Variants in NRP2 observed in about 807,000 individuals in gnomAD.
NRP2 encodes neuropilin 2, also known as neuropilin-2.
Under a neutral mutation model 110.4 loss-of-function variants are expected in NRP2, and 52 were observed. The observed-to-expected ratio is 0.47, with a 90% CI of 0.38 to 0.59. The LOEUF is 0.59. NRP2 is among the 20% of genes least tolerant of loss of function. NRP2 has a pLI of 0.00. For synonymous variants in NRP2, 508 were observed against 468.9 expected, an observed-to-expected ratio of 1.08 and a Z score of -1.08; for missense variants, 1,049 against 1,203.0, an observed-to-expected ratio of 0.87 and a Z score of 1.89.
At chr2:205,751,200 G>T (rs1023994247) in intron 11 of NRP2, among the ~76,000 whole-genome samples, 1 of 152,086 alleles carries the variant, frequency 6.6e-6, no homozygotes, top group Non-Finnish European at 1.5e-5. Flanking sequence ...TGGAGTGGGG[G>T]TTCTAGCTAA....
chr2:205,763,333 C>A lies in NRP2; in HGVS notation c.2045-341C>A, dbSNP rs138517308. ...AATGATGAATAAGATGTGGGTCTGG[C>A]CTCTCAGAATCTAGAGGGAGAAGAA... is the stretch of plus-strand genomic sequence containing the variant. On this transcript the variant is annotated intron_variant, in intron 12 of 16. Coordinates refer to ENST00000357785, the MANE Select transcript of NRP2 (RefSeq NM_003872.3). This position sits in a 1 kb window ranked among gnomAD's most constrained non-coding sequence, Gnocchi z 4.0. Among the ~76,000 whole-genome samples, 20 of 152,064 alleles carry A rather than the reference C, an allele frequency of 1.3e-4. No individual in the cohort carries two copies. The East Asian group carries it at 3.9e-3, about 29-fold the overall frequency.
rs1282367024 is a variant in NRP2, at chr2:205,686,135, T to TAA, written c.73+2773_73+2774dup. Among the ~76,000 whole-genome samples, 2 of 152,102 alleles carry TAA rather than the reference T, an allele frequency of 1.3e-5. No individual in the cohort carries two copies. Among genetic ancestry groups the TAA allele is most frequent in the East Asian group, 3.9e-4 (2 of 5,170 alleles). ...GCCCAGCGATCCATAAACATTCTAT[T>TAA]AAGCAAAAATATTCCCAGCGAAAGC... On this transcript the variant is annotated intron_variant, in intron 1 of 16. Transcript: ENST00000357785. The surrounding 1 kb of genome is among the most constrained non-coding windows in gnomAD (Gnocchi z 4.7).
At chr2:205,747,453 T>C (rs1334227121) in intron 10 of NRP2, among the ~76,000 whole-genome samples, 1 of 152,226 alleles carries the variant, frequency 6.6e-6, no homozygotes, top group East Asian at 1.9e-4. Context: ...GACTACTGCC[T>C]GCACCCAGCA....
At chr2:205,702,156 A>G (rs1490244888) in intron 2 of NRP2, among the ~76,000 whole-genome samples, 1 of 152,234 alleles carries the variant, frequency 6.6e-6, no homozygotes, top group Non-Finnish European at 1.5e-5. Context: ...ACAGTTTGGG[A>G]CTATTTTCTA....
chr2:205,726,492 C>T (rs1245045317), intron 6 of NRP2, among the ~76,000 whole-genome samples: 2 of 152,132 alleles, frequency 1.3e-5, no homozygotes, highest in African/African-American at 4.8e-5. Context: ...TTCTCATGAT[C>T]TTTGCTATTG....
chr2:205,793,992 G>A (rs1262506408), intron 16 of NRP2, among the ~76,000 whole-genome samples: 1 of 152,166 alleles, frequency 6.6e-6, no homozygotes, highest in African/African-American at 2.4e-5. Flanking sequence ...AGCTTGAGGA[G>A]GTTGGAAAGG....
At chr2:205,737,575 T>A (rs1477632966) in intron 7 of NRP2, among the ~76,000 whole-genome samples, 2 of 152,112 alleles carry the variant, frequency 1.3e-5, no homozygotes, top group Non-Finnish European at 1.5e-5. Flanking sequence ...TGTTAAAAAA[T>A]CTAATAAGAT....
At position 205,789,855 on chromosome 2, in the gene NRP2, C is replaced by T. The variant is rs536237567; in HGVS notation, c.2426-2380C>T. ...AAGTGGCTGGTAAAGGGCAAAGATGCTTTTGAGAGAGAGAAAGCTCTTAAT... is the reference window on the plus strand; with the variant it reads ...AAGTGGCTGGTAAAGGGCAAAGATGTTTTTGAGAGAGAGAAAGCTCTTAAT... On this transcript the variant is annotated intron_variant, in intron 15 of 16. Coordinates refer to ENST00000357785, the MANE Select transcript of NRP2 (RefSeq NM_003872.3). Among the ~76,000 whole-genome samples, 5 of 152,294 alleles carry T rather than the reference C, an allele frequency of 3.3e-5. No homozygotes were observed. In the South Asian group the frequency reaches 1.0e-3, roughly 32 times the overall value.
At position 205,727,932 on chromosome 2, in the gene NRP2, A is replaced by G; in HGVS notation, c.1032A>G (p.Thr344=). The change falls in exon 7 of 17, where the codon ACA becomes ACG. Residue 344 remains threonine, a synonymous_variant. Coordinates refer to ENST00000357785, the MANE Select transcript of NRP2 (RefSeq NM_003872.3). ...TAACCATGCTCACGGCCATCGCAACACAGGGAGCGATTTCCAGGGAAACAC... is the reference window on the plus strand; with the variant it reads ...TAACCATGCTCACGGCCATCGCAACGCAGGGAGCGATTTCCAGGGAAACAC... ...RFLTMLTAIA[T]QGAISRETQN... 1 of 1,614,116 alleles carries G rather than the reference A, an allele frequency of 6.2e-7. No homozygotes were observed. The highest frequency in any genetic ancestry group is 8.5e-7 in the Non-Finnish European group (1 of 1,180,020).
intron 15 of NRP2, among the ~76,000 whole-genome samples, chr2:205,770,004 C>T (rs1048211761): frequency 2.0e-5 from 3 of 152,110 alleles, no homozygotes; most frequent in Non-Finnish European, 2.9e-5. Context: ...AGCAGCTCAC[C>T]TTGGAGGCAA....
chr2:205,769,456 A>G (rs1185870363), intron 15 of NRP2, among the ~76,000 whole-genome samples: 1 of 151,728 alleles, frequency 6.6e-6, no homozygotes, highest in Non-Finnish European at 1.5e-5. Context: ...ATATTATTTT[A>G]AATTTAAATC....
chr2:205,786,383 C>T (rs75454700), intron 15 of NRP2, among the ~76,000 whole-genome samples: 6,149 of 152,228 alleles, frequency 0.04, 165 homozygotes, highest in Admixed American at 0.068. Flanking sequence ...ATTTAACTGG[C>T]CCATGGGGTT....
intron 15 of NRP2, chr2:205,779,200 G>C (rs1324254075): frequency 1.3e-5 from 2 of 152,204 alleles, no homozygotes; most frequent in African/African-American, 4.8e-5. Flanking sequence ...TAAAGCTTTT[G>C]CCTTAGTAGA....
chr2:205,757,993 C>CAA (rs1477155144), intron 12 of NRP2, among the ~76,000 whole-genome samples: 2 of 151,572 alleles, frequency 1.3e-5, no homozygotes, highest in Non-Finnish European at 2.9e-5. Flanking sequence ...GCCTCAATGG[C>CAA]AAAACCTTCA....
chr2:205,688,337 ACTGTTCCTTC>A (rs1249362412), intron 1 of NRP2, among the ~76,000 whole-genome samples: 1 of 152,198 alleles, frequency 6.6e-6, no homozygotes, highest in Non-Finnish European at 1.5e-5. Context: ...TAGTCTTTGT[ACTGTTCCTTC>A]CAGGTAAGGA....
intron 3 of NRP2, among the ~76,000 whole-genome samples, chr2:205,721,558 A>C (rs1272841767): frequency 1.3e-5 from 2 of 152,144 alleles, no homozygotes; most frequent in Admixed American, 6.5e-5. Context: ...ACCTAGAGGC[A>C]TTAAGAGATA....
At chr2:205,747,996 G>A (rs79508024) in intron 10 of NRP2, among the ~76,000 whole-genome samples, 188 of 152,102 alleles carry the variant, frequency 1.2e-3, no homozygotes, top group African/African-American at 4.3e-3. Context: ...CAGGGGTAGC[G>A]TTGCTGTTTG....
intron 15 of NRP2, among the ~76,000 whole-genome samples, chr2:205,783,091 C>T (rs540579544): frequency 6.6e-6 from 1 of 152,236 alleles, no homozygotes; most frequent in African/African-American, 2.4e-5. Context: ...ATCTGCCCAA[C>T]CCATGTGATC....
At chr2:205,712,101 G>C (rs11901907) in intron 2 of NRP2, among the ~76,000 whole-genome samples, 2,059 of 152,296 alleles carry the variant, frequency 0.014, 36 homozygotes, top group African/African-American at 0.045. Context: ...AGTTGAGAAA[G>C]AAAGTAGAGA....
Sources: allele counts gnomAD v4.1 joint callset (sites outside exome capture counted in the v4.1 genomes callset), GRCh38; gene constraint gnomAD v4.1.1; non-coding constraint Gnocchi (gnomAD v3.1); transcripts MANE v1.5; gene names NCBI Gene and HGNC (gene_info 2026-07-23, HGNC 2026-07-21).